Variants in MAST1 observed in about 807,000 individuals in gnomAD.
MAST1 encodes the protein microtubule-associated serine/threonine-protein kinase 1.
MAST1 carries 40 observed loss-of-function variants against 124.6 expected under a neutral mutation model. The ratio of observed to expected loss-of-function variants is 0.32; its 90% CI spans 0.25 to 0.42. The LOEUF is 0.42. MAST1 is among the 10% of genes least tolerant of loss of function. The probability of loss-of-function intolerance (pLI) is 1.00; values close to 1 mark genes in which losing one functional copy is unlikely to be tolerated. For missense variants in MAST1, 1,558 were observed against 2,181.9 expected, an observed-to-expected ratio of 0.71 and a Z score of 5.70; for synonymous variants, 938 against 939.4, an observed-to-expected ratio of 1.00 and a Z score of 0.03.
chr19:12,857,042 G>A (rs182910704), intron 10 of MAST1, among the ~76,000 whole-genome samples: 460 of 152,212 alleles, frequency 3.0e-3, no homozygotes, highest in Non-Finnish European at 3.2e-3. Flanking sequence ...ATGGTATTTT[G>A]TGGTAGTTAT....
chr19:12,860,741 G>C (rs997623380), intron 12 of MAST1, among the ~76,000 whole-genome samples: 1 of 151,846 alleles, frequency 6.6e-6, no homozygotes, highest in Non-Finnish European at 1.5e-5. Context: ...GCCATAGCTT[G>C]CGGCCCATAT....
rs1303204224 is a variant in MAST1, at chr19:12,838,814, G to C, written c.83+159G>C. 6.6e-6 allele frequency among the ~76,000 whole-genome samples: 1 copy of C among 151,898 alleles called. No individual in the cohort carries two copies. Among genetic ancestry groups the C allele is most frequent in the Admixed American group, 6.6e-5 (1 of 15,258 alleles). On this transcript the variant is annotated intron_variant, in intron 1 of 25. Coordinates refer to ENST00000251472, the MANE Select transcript of MAST1 (RefSeq NM_014975.3). The surrounding 1 kb of genome is among the most constrained non-coding windows in gnomAD (Gnocchi z 4.3). ...CGCCGGGGTTGGGGTTGAATGGGGGGTGGTGTGGGCCGAGTCTGGGGGGCT... is the reference window on the plus strand; with the variant it reads ...CGCCGGGGTTGGGGTTGAATGGGGGCTGGTGTGGGCCGAGTCTGGGGGGCT...
chr19:12,869,762 G>C (rs1970208055), intron 22 of MAST1, among the ~76,000 whole-genome samples: 1 of 151,918 alleles, frequency 6.6e-6, no homozygotes, highest in Non-Finnish European at 1.5e-5. Context: ...CTGCAAAATG[G>C]GGAGAATAGG....
intron 10 of MAST1, among the ~76,000 whole-genome samples, chr19:12,853,385 C>G (rs1337581774): frequency 6.6e-6 from 1 of 151,910 alleles, no homozygotes; most frequent in African/African-American, 2.4e-5. Flanking sequence ...GCATTTGAGA[C>G]CAGCCTGGGC....
intron 7 of MAST1, chr19:12,848,477 A>C: frequency 5.9e-6 from 1 of 170,488 alleles, no homozygotes; most frequent in Non-Finnish European, 1.3e-5. Flanking sequence ...CACACACAAA[A>C]TTAGCCGGGC....
chr19:12,847,809 C>G lies in MAST1; in HGVS notation c.565-39C>G, dbSNP rs749646471. On this transcript the variant is annotated intron_variant, in intron 6 of 25. Coordinates refer to ENST00000251472, the MANE Select transcript of MAST1 (RefSeq NM_014975.3). The surrounding 1 kb of genome is among the most constrained non-coding windows in gnomAD (Gnocchi z 5.5). ...GCAGGCTCCTGGCGGCCGCAGCCTTCGGGCACAGCCCCGCGCCCCTCCTCC... is the reference window on the plus strand; with the variant it reads ...GCAGGCTCCTGGCGGCCGCAGCCTTGGGGCACAGCCCCGCGCCCCTCCTCC... 1 of 1,583,174 alleles carries G rather than the reference C, an allele frequency of 6.3e-7. No individual in the cohort carries two copies. The highest frequency in any genetic ancestry group is 1.1e-5 in the South Asian group (1 of 89,118).
At position 12,846,870 on chromosome 19, in the gene MAST1, C is replaced by CAAAAAAAA. The variant is rs386388580; in HGVS notation, c.328-403_328-396dup. On this transcript the variant is annotated intron_variant, in intron 4 of 25. Transcript: ENST00000251472. ...AGGCAACAAGAACGAAACTCCATCT[C>CAAAAAAAA]AAAAAAAAAAAAAAAAAAAAAAAAG... Among the ~76,000 whole-genome samples the CAAAAAAAA allele has an allele frequency of 4.2e-4, 20 of 47,348 alleles. 1 individual carries two copies. The highest frequency in any genetic ancestry group is 8.6e-4 in the African/African-American group (10 of 11,612). 31.1% of individuals were successfully genotyped at this position (47,348 alleles called of 152,430 possible). A position where few individuals can be genotyped will look rare whatever the true frequency, so the allele number is the denominator to read the frequency against.
chr19:12,842,697 G>A (rs1013132675), intron 3 of MAST1, among the ~76,000 whole-genome samples: 6 of 152,198 alleles, frequency 3.9e-5, no homozygotes, highest in South Asian at 2.1e-4. Flanking sequence ...GTGCATCTGC[G>A]TGCGAGTGTG....
intron 10 of MAST1, among the ~76,000 whole-genome samples, chr19:12,855,250 G>A (rs1332154576): frequency 6.6e-6 from 1 of 151,912 alleles, no homozygotes; most frequent in Non-Finnish European, 1.5e-5. Context: ...AATAAAAATA[G>A]ATAAATAAAA....
intron 7 of MAST1, among the ~76,000 whole-genome samples, chr19:12,850,473 A>G (rs1020483549): frequency 6.6e-6 from 1 of 152,224 alleles, no homozygotes; most frequent in Admixed American, 6.5e-5. Flanking sequence ...AAAAACTTGA[A>G]AAGTAGATAA....
intron 12 of MAST1, among the ~76,000 whole-genome samples, chr19:12,860,120 C>A (rs1376799907): frequency 6.6e-6 from 1 of 151,538 alleles, no homozygotes; most frequent in Non-Finnish European, 1.5e-5. Context: ...ACCTATTTTT[C>A]TTTTTTTTGG....
In MAST1 at chr19:12,874,345, G is replaced by T; in HGVS notation, c.4188G>T (p.Thr1396=). 6.3e-7 allele frequency: 1 copy of T among 1,598,068 alleles called. No homozygotes were observed. Among genetic ancestry groups the T allele is most frequent in the Non-Finnish European group, 8.5e-7 (1 of 1,178,670 alleles). The change falls in exon 26 of 26, where the codon ACG becomes ACT. Residue 1396 remains threonine (T), a synonymous_variant. Coordinates refer to ENST00000251472, the MANE Select transcript of MAST1 (RefSeq NM_014975.3). This position sits in a 1 kb window ranked among gnomAD's most constrained non-coding sequence, Gnocchi z 6.6. ...VGCTRHQSVQ[T]EDGTGGMARA... ...GCACGCGGCATCAGAGCGTGCAGAC[G>T]GAGGATGGCACTGGCGGGATGGCCA...
At chr19:12,861,024 C>G (rs1970075311) in intron 12 of MAST1, among the ~76,000 whole-genome samples, 1 of 151,916 alleles carries the variant, frequency 6.6e-6, no homozygotes, top group South Asian at 2.1e-4. Flanking sequence ...TCTGTATAGA[C>G]AGACAATAAA....
chr19:12,851,796 T>G (rs1969962833), intron 7 of MAST1, 138 bp from the exon 8 acceptor site: 1 of 658,374 alleles, frequency 1.5e-6, no homozygotes, highest in Non-Finnish European at 2.6e-6. Flanking sequence ...TCATTATTTT[T>G]ACTGTGTGGC....
chr19:12,866,899 GT>G lies in MAST1; in HGVS notation c.2139+138del. ...TGATGGGGCGGGAGTCTGGAAGGTG[GT>G]AAGGCCACGCAAGAGGCAGGTTCGG... On this transcript the variant is annotated intron_variant, in intron 18 of 25. Coordinates refer to ENST00000251472, the MANE Select transcript of MAST1 (RefSeq NM_014975.3). This position sits in a 1 kb window ranked among gnomAD's most constrained non-coding sequence, Gnocchi z 5.2. 1 of 676,282 alleles carries G rather than the reference GT, an allele frequency of 1.5e-6. No individual in the cohort carries two copies. The highest frequency in any genetic ancestry group is 2.5e-6 in the Non-Finnish European group (1 of 392,684). 41.9% of individuals were successfully genotyped at this position (676,282 alleles called of 1,614,324 possible). A position where few individuals can be genotyped will look rare whatever the true frequency, so the allele number is the denominator to read the frequency against.
Position 12,847,337 on chromosome 19 carries a change from C to T in MAST1, c.375C>T (p.Pro125=), listed in dbSNP as rs1315641550. 1.2e-6 allele frequency: 2 copies of T among 1,613,998 alleles called. No homozygotes were observed. Among genetic ancestry groups the T allele is most frequent in the East Asian group, 4.5e-5 (2 of 44,850 alleles). ...QERLHQLPYQ[P]TVDELHFLSK... ...GCCTTCACCAGCTGCCCTACCAGCC[C>T]ACGGTGGACGAGCTCCACTTCCTCT... The change falls in exon 5 of 26, where the codon CCC becomes CCT. Residue 125 remains proline (P), a synonymous_variant. Coordinates refer to ENST00000251472, the MANE Select transcript of MAST1 (RefSeq NM_014975.3). The surrounding 1 kb of genome is among the most constrained non-coding windows in gnomAD (Gnocchi z 5.5).
intron 4 of MAST1, among the ~76,000 whole-genome samples, chr19:12,844,730 A>C (rs6511843): frequency 0.4 from 60,862 of 151,968 alleles, 14,144 homozygotes; most frequent in East Asian, 0.63. Flanking sequence ...GGGGCTGAAA[A>C]TTTGGGATGC....
intron 4 of MAST1, among the ~76,000 whole-genome samples, chr19:12,846,802 C>T (rs374203219): frequency 1.4e-3 from 186 of 130,546 alleles, no homozygotes; most frequent in Non-Finnish European, 1.7e-3. Context: ...CGCTTGAACG[C>T]GGGAGGCGGA....
rs1159855659 is a variant in MAST1 at position 12,873,418 on chromosome 19, T to A, written c.3358T>A (p.Ser1120Thr). ...SLSSLNRSLSSSDSLPGSPTH... is the reference protein window; with the variant it reads ...SLSSLNRSLSTSDSLPGSPTH... Reference sequence around the variant, plus strand: ...GTCGTCGCTGAACCGCTCGCTGTCATCCAGCGATAGTCTCCCGGGCTCGCC... The same window carrying A: ...GTCGTCGCTGAACCGCTCGCTGTCAACCAGCGATAGTCTCCCGGGCTCGCC... The change falls in exon 25 of 26, where the codon TCC becomes ACC. Residue 1120 changes from serine (S) to threonine (T), a missense_variant. Around this residue, in one of 10 missense-constraint regions of MAST1, gnomAD observed 291 missense variants for 475.8 expected, o/e 0.61. Coordinates refer to ENST00000251472, the MANE Select transcript of MAST1 (RefSeq NM_014975.3). 1 of 1,613,800 alleles carries A rather than the reference T, an allele frequency of 6.2e-7. No individual in the cohort carries two copies. Among genetic ancestry groups the A allele is most frequent in the Non-Finnish European group, 8.5e-7 (1 of 1,179,980 alleles).
Sources: allele counts gnomAD v4.1 joint callset (sites outside exome capture counted in the v4.1 genomes callset), GRCh38; gene constraint gnomAD v4.1.1; regional missense constraint gnomAD v4.1.1; non-coding constraint Gnocchi (gnomAD v3.1); transcripts MANE v1.5; gene names NCBI Gene and HGNC (gene_info 2026-07-23, HGNC 2026-07-21).